Variants in COG6 observed in about 807,000 individuals in gnomAD.
The protein encoded by COG6 is component of oligomeric golgi complex 6.
Under a neutral mutation model 88.8 loss-of-function variants are expected in COG6, and 74 were observed. The observed-to-expected ratio is 0.83, with a 90% confidence interval of 0.69 to 1.01. The LOEUF (loss-of-function observed/expected upper bound fraction) is 1.01. Among genes scored for constraint, COG6 ranks in the 50% least tolerant of loss-of-function variants. The probability of loss-of-function intolerance (pLI) is 0.00; values close to 1 mark genes in which losing one functional copy is unlikely to be tolerated. For synonymous variants in COG6, 286 were observed against 278.7 expected, an observed-to-expected ratio of 1.03 and a Z score of -0.26; for missense variants, 800 against 797.9, an observed-to-expected ratio of 1.00 and a Z score of -0.03.
At chr13:39,709,279 A>G (rs2138055252) in intron 13 of COG6, among the ~76,000 whole-genome samples, 1 of 152,204 alleles carries the variant, frequency 6.6e-6, no homozygotes, top group East Asian at 1.9e-4. Flanking sequence ...GTTCCTTTTA[A>G]CATTTTCCTT....
chr13:39,714,832 C>T (rs1260836247), intron 13 of COG6, among the ~76,000 whole-genome samples: 1 of 152,120 alleles, frequency 6.6e-6, no homozygotes, highest in Non-Finnish European at 1.5e-5. Flanking sequence ...TTTATTGCAG[C>T]ACGGTTGCAG....
At chr13:39,749,478 C>A (rs1272345408) in intron 18 of COG6, among the ~76,000 whole-genome samples, 2 of 152,124 alleles carry the variant, frequency 1.3e-5, no homozygotes, top group African/African-American at 4.8e-5. Flanking sequence ...TAACCCCTTC[C>A]TAATACAAAG....
intron 15 of COG6, among the ~76,000 whole-genome samples, chr13:39,720,749 CACTT>C (rs951059877): frequency 1.3e-5 from 2 of 151,936 alleles, no homozygotes; most frequent in African/African-American, 4.8e-5. Flanking sequence ...TAATTCTAAA[CACTT>C]ACGTGTATTG....
Position 39,724,489 on chromosome 13 carries a change from T to G in COG6, c.1693-19T>G. The G allele has an allele frequency of 6.6e-7, 1 of 1,523,326 alleles. No individual in the cohort carries two copies. The highest frequency in any genetic ancestry group is 8.9e-7 in the Non-Finnish European group (1 of 1,124,526). 94.4% of individuals were successfully genotyped at this position (1,523,326 alleles called of 1,614,324 possible). On this transcript the variant is annotated intron_variant, in intron 16 of 18. Coordinates refer to ENST00000455146, the MANE Select transcript of COG6 (RefSeq NM_020751.3). ...TTTTTACATCTTGGATCTGCTTTTT[T>G]TTTTTTTTTTTTAAATAGGGCTCTT...
chr13:39,686,054 G>T (rs1387055804), intron 8 of COG6, among the ~76,000 whole-genome samples: 1 of 152,076 alleles, frequency 6.6e-6, no homozygotes, highest in African/African-American at 2.4e-5. Flanking sequence ...TCTTTCACAT[G>T]TTTACCAAAA....
chr13:39,723,880 C>T (rs1878986284), intron 16 of COG6, among the ~76,000 whole-genome samples: 2 of 151,936 alleles, frequency 1.3e-5, no homozygotes, highest in Non-Finnish European at 2.9e-5. Context: ...TTTAATTTAG[C>T]AAATTGTTGC....
chr13:39,786,021 C>T (rs550538882), intron 18 of COG6, among the ~76,000 whole-genome samples: 1 of 152,268 alleles, frequency 6.6e-6, no homozygotes, highest in African/African-American at 2.4e-5. Context: ...TAGAGCCCAG[C>T]AGTGCCTCAA....
intron 18 of COG6, among the ~76,000 whole-genome samples, chr13:39,761,129 A>T (rs1880997291): frequency 6.6e-6 from 1 of 152,016 alleles, no homozygotes; most frequent in South Asian, 2.1e-4. Flanking sequence ...TATAAGATTA[A>T]TCCAAATCAC....
intron 18 of COG6, among the ~76,000 whole-genome samples, chr13:39,747,210 A>G (rs1389671982): frequency 6.6e-6 from 1 of 152,162 alleles, no homozygotes; most frequent in Non-Finnish European, 1.5e-5. Context: ...ATTAGAAAAT[A>G]CTTAATAAAA....
chr13:39,719,874 C>A, intron 15 of COG6, 47 bp downstream of exon 15: 2 of 1,443,760 alleles, frequency 1.4e-6, no homozygotes, highest in Non-Finnish European at 1.9e-6. Flanking sequence ...GAATCTTTTT[C>A]TCTATGTGAT....
rs12865887 is a variant in COG6, at chr13:39,655,698, T to G, written c.-29T>G. The G allele has an allele frequency of 3.9e-6, 6 of 1,551,310 alleles. No homozygotes were observed. The highest frequency in any genetic ancestry group is 5.2e-6 in the Non-Finnish European group (6 of 1,150,118). ...CTCCGTGGTCCCTGCCTGGCTGAGG[T>G]GGCAGCAGGGGGCGGGACGCGCAGC... On this transcript the variant is annotated 5_prime_UTR_variant, in exon 1 of 19. Coordinates refer to ENST00000455146, the MANE Select transcript of COG6 (RefSeq NM_020751.3).
chr13:39,770,161 C>G (rs1881279628), intron 18 of COG6, among the ~76,000 whole-genome samples: 1 of 152,184 alleles, frequency 6.6e-6, no homozygotes, highest in Non-Finnish European at 1.5e-5. Context: ...GGTAATTTAT[C>G]TAATTAACAC....
chr13:39,754,146 C>T (rs911247190), downstream of COG6, among the ~76,000 whole-genome samples: 1 of 152,176 alleles, frequency 6.6e-6, no homozygotes, highest in Non-Finnish European at 1.5e-5. Flanking sequence ...TTTTGACCTT[C>T]TTCCCTGGCT....
intron 13 of COG6, among the ~76,000 whole-genome samples, chr13:39,711,456 A>G (rs926396541): frequency 2.0e-5 from 3 of 152,158 alleles, no homozygotes; most frequent in Non-Finnish European, 4.4e-5. Context: ...TGTAGTGGTT[A>G]TAAGCGTGAC....
intron 17 of COG6, among the ~76,000 whole-genome samples, chr13:39,726,398 G>A (rs562792936): frequency 1.4e-4 from 22 of 152,046 alleles, no homozygotes; most frequent in Non-Finnish European, 2.9e-4. Flanking sequence ...GTACAGTTAT[G>A]TGTTATGATA....
chr13:39,778,045 A>C (rs77421999), intron 18 of COG6, among the ~76,000 whole-genome samples: 2 of 152,196 alleles, frequency 1.3e-5, no homozygotes, highest in Non-Finnish European at 2.9e-5. Flanking sequence ...AGTCCTAATC[A>C]ACACATTATA....
intron 3 of COG6, among the ~76,000 whole-genome samples, chr13:39,661,147 C>T (rs893300449): frequency 2.6e-5 from 4 of 152,000 alleles, no homozygotes; most frequent in Non-Finnish European, 5.9e-5. Context: ...CTTTCAATTC[C>T]GTAATATTCT....
At chr13:39,723,133 C>T (rs1878937625) in intron 15 of COG6, among the ~76,000 whole-genome samples, 200 bp from the exon 16 acceptor site, 1 of 151,916 alleles carries the variant, frequency 6.6e-6, no homozygotes, top group Non-Finnish European at 1.5e-5. Flanking sequence ...GGAGGATAGT[C>T]CTAGAATCCT....
rs886050229 is a variant in COG6, at chr13:39,750,970, A to C, written c.1851A>C (p.Thr617=). 1 of 1,613,616 alleles carries C rather than the reference A, an allele frequency of 6.2e-7. No homozygotes were observed. Among genetic ancestry groups the C allele is most frequent in the South Asian group, 1.1e-5 (1 of 91,066 alleles). The change falls in exon 19 of 19, where the codon ACA becomes ACC. Residue 617 remains threonine, a synonymous_variant. Transcript: ENST00000455146. ...GAGAGCAGATCGTAAAACAATCTAC[A>C]GAATTAGTCTGCAGAGCCTATGGTG... ...TVKEQIVKQS[T]ELVCRAYGEV... is the part of the protein sequence containing the mutation.
Sources: allele counts gnomAD v4.1 joint callset (sites outside exome capture counted in the v4.1 genomes callset), GRCh38; gene constraint gnomAD v4.1.1; transcripts MANE v1.5; gene names NCBI Gene and HGNC (gene_info 2026-07-23, HGNC 2026-07-21).